The following MGA variants were observed in gnomAD, a reference collection of about 807,000 sequenced individuals.
The protein encoded by MGA is MAX gene-associated protein.
In MGA, 40 loss-of-function variants were observed where a neutral mutation model predicts 261.1. The observed-to-expected ratio is 0.15, with a 90% CI of 0.12 to 0.20. MGA has a LOEUF of 0.20. Ranked by LOEUF, MGA falls within the 10% of genes least tolerant of loss-of-function variation. The probability of loss-of-function intolerance (pLI) is 1.00; values close to 1 mark genes in which losing one functional copy is unlikely to be tolerated. For missense variants in MGA, 3,397 were observed against 3,630.5 expected, an observed-to-expected ratio of 0.94 and a Z score of 1.65; for synonymous variants, 1,302 against 1,290.6, an observed-to-expected ratio of 1.01 and a Z score of -0.19.
At position 41,675,663 on chromosome 15, in the gene MGA, C is replaced by T. The variant is rs1595670684; in HGVS notation, c.1064+5705C>T. ...AATTGTTGGGATTACGGGAGTGAGC[C>T]ACTGTGCCCGGCTCTTTAGAGGCTT... is the stretch of plus-strand genomic sequence containing the variant. On this transcript the variant is annotated intron_variant, in intron 2 of 23. Transcript: ENST00000219905. Among the ~76,000 whole-genome samples, 3 of 152,298 alleles carry T rather than the reference C, an allele frequency of 2.0e-5. No individual in the cohort carries two copies. The South Asian group carries it at 6.2e-4, about 32-fold the overall frequency.
intron 1 of MGA, among the ~76,000 whole-genome samples, chr15:41,633,091 A>C (rs925822702): frequency 6.6e-6 from 1 of 151,498 alleles, no homozygotes; most frequent in Admixed American, 6.6e-5. Context: ...AGCTGAGACT[A>C]CAGGCGCGTG....
In MGA at chr15:41,769,371, A is replaced by C. The variant is rs935294994; in HGVS notation, c.*2091A>C. The C allele has an allele frequency of 1.4e-5, 2 of 146,234 alleles. No homozygotes were observed. Among genetic ancestry groups the C allele is most frequent in the Non-Finnish European group, 3.0e-5 (2 of 67,070 alleles). The allele number at this position is 146,234 out of a possible 1,614,324, so 9.1% of individuals were successfully genotyped here. On this transcript the variant is annotated 3_prime_UTR_variant, in exon 24 of 24. Transcript: ENST00000219905. ...GATTCTTGATTGGAGATACCATTTG[A>C]CTCTTGATGAGAGTTGTACGAAGAT...
chr15:41,702,937 A>ATT (rs60668348), intron 5 of MGA, among the ~76,000 whole-genome samples: 1 of 151,814 alleles, frequency 6.6e-6, no homozygotes, highest in Non-Finnish European at 1.5e-5. Context: ...GAGAATACCT[A>ATT]TTTTTTTTCC....
intron 1 of MGA, among the ~76,000 whole-genome samples, chr15:41,624,304 G>A (rs185808200): frequency 6.6e-6 from 1 of 151,952 alleles, no homozygotes; most frequent in Non-Finnish European, 1.5e-5. Flanking sequence ...CTGGAGTACA[G>A]TGGTGCGATC....
chr15:41,767,613 C>T lies in MGA; in HGVS notation c.*333C>T. 3.5e-6 allele frequency: 1 copy of T among 283,376 alleles called. No individual in the cohort carries two copies. The highest frequency in any genetic ancestry group is 6.7e-6 in the Non-Finnish European group (1 of 150,098). 17.6% of individuals were successfully genotyped at this position (283,376 alleles called of 1,614,324 possible). On this transcript the variant is annotated 3_prime_UTR_variant, in exon 24 of 24. Coordinates refer to ENST00000219905, the MANE Select transcript of MGA (RefSeq NM_001164273.2). ...TCCACAGTGGTTTCTAGTTCTTCCC[C>T]CACAAGCGAAAGAGCTGTTTGCAAC...
rs28510088 is a variant in MGA, at chr15:41,765,070, G to A, written c.7921+8G>A. ...GTGCTGTGGCTCTACCAGGTATGTT[G>A]TAAGTGTTGTCCTCTATGGGAAGTG... On this transcript the variant is annotated splice_region_variant and intron_variant, in intron 23 of 23. Transcript: ENST00000219905. 3,782 of 1,613,662 alleles carry A rather than the reference G, an allele frequency of 2.3e-3. 74 individuals carry two copies. In the African/African-American group the frequency reaches 0.045, roughly 19 times the overall value.
rs190290241 is a variant in MGA, at chr15:41,704,900, T to C, written c.2189-2828T>C. On this transcript the variant is annotated intron_variant, in intron 5 of 23. Transcript: ENST00000219905. Reference sequence around the variant, plus strand: ...TTTTCAGCTTTATCTTTATGAGTCTTTTTTTGTAATGACATTATAACACAT... The same window carrying C: ...TTTTCAGCTTTATCTTTATGAGTCTCTTTTTGTAATGACATTATAACACAT... Among the ~76,000 whole-genome samples, 278 of 152,214 alleles carry C rather than the reference T, an allele frequency of 1.8e-3. 2 individuals are homozygous for C. The highest frequency in any genetic ancestry group is 1.3e-3 in the Non-Finnish European group (87 of 68,000).
rs1335920714 is a variant in MGA, at chr15:41,749,208, A to G, written c.5601A>G (p.Val1867=). ...CTGCTTTCTCTGTCATGAATCCTGT[A>G]ATTCAAGCTGTTGGGTCTTCTTCAG... The change falls in exon 17 of 24, where the codon GTA becomes GTG. Residue 1867 remains valine (V), a synonymous_variant. Coordinates refer to ENST00000219905, the MANE Select transcript of MGA (RefSeq NM_001164273.2). The G allele has an allele frequency of 6.2e-7, 1 of 1,613,990 alleles. No homozygotes were observed. The highest frequency in any genetic ancestry group is 8.5e-7 in the Non-Finnish European group (1 of 1,179,886).
rs1595825007 is a variant in MGA, at chr15:41,711,426, G to C, written c.3084+77G>C. 13 of 1,401,888 alleles carry C rather than the reference G, an allele frequency of 9.3e-6. No individual in the cohort carries two copies. In the East Asian group the frequency reaches 2.8e-4, roughly 30 times the overall value. 86.8% of individuals were successfully genotyped at this position (1,401,888 alleles called of 1,614,324 possible). On this transcript the variant is annotated intron_variant, in intron 8 of 23. Transcript: ENST00000219905. ...GAGGTTAGTGAGGGGAAATGGGAAT[G>C]GTACTTTTTGGCAGGGTGATCAGCT...
chr15:41,760,127 G>C (rs2063369306), intron 19 of MGA, 196 bp from the exon 20 acceptor site: 3 of 575,202 alleles, frequency 5.2e-6, no homozygotes, highest in East Asian at 3.0e-5. Context: ...GCATGTATTA[G>C]AAATTACACT....
intron 5 of MGA, among the ~76,000 whole-genome samples, chr15:41,706,101 G>C (rs1236864551): frequency 6.6e-6 from 1 of 152,034 alleles, no homozygotes; most frequent in Non-Finnish European, 1.5e-5. Context: ...GCCGGGCCTG[G>C]TGGCACACGC....
Position 41,736,283 on chromosome 15 carries a change from C to T in MGA, c.4019C>T (p.Ser1340Leu). The T allele has an allele frequency of 6.2e-7, 1 of 1,614,022 alleles. No individual in the cohort carries two copies. The highest frequency in any genetic ancestry group is 8.5e-7 in the Non-Finnish European group (1 of 1,179,910). ...CCCACCAAACTGATTGAGATCATCT[C>T]AGACTGCAACTGGGAGGAAGATCGG... The change falls in exon 13 of 24, where the codon TCA becomes TTA. Residue 1340 changes from serine (S) to leucine (L), a missense_variant. This residue lies in a region of MGA where 1,410 missense variants were observed against 1,386.4 expected (regional missense o/e 1.02). Coordinates refer to ENST00000219905, the MANE Select transcript of MGA (RefSeq NM_001164273.2).
chr15:41,710,589 C>G (rs2060342409), intron 7 of MGA, 102 bp from the exon 8 acceptor site: 1 of 1,166,674 alleles, frequency 8.6e-7, no homozygotes, highest in East Asian at 2.5e-5. Context: ...AGAAGATTCA[C>G]TATCTTGTAG....
chr15:41,703,003 G>C (rs1338022794), intron 5 of MGA, among the ~76,000 whole-genome samples: 1 of 152,060 alleles, frequency 6.6e-6, no homozygotes, highest in Non-Finnish European at 1.5e-5. Flanking sequence ...TCTAACATAA[G>C]ATTGGTACAT....
chr15:41,657,307 G>A (rs531525270), upstream of MGA, among the ~76,000 whole-genome samples: 7 of 148,214 alleles, frequency 4.7e-5, no homozygotes, highest in Admixed American at 4.7e-4. Context: ...CTCTGCCTAG[G>A]ACCTGAATTT....
At chr15:41,692,757 G>A (rs1595742889) in intron 2 of MGA, among the ~76,000 whole-genome samples, 1 of 152,254 alleles carries the variant, frequency 6.6e-6, no homozygotes, top group Middle Eastern at 3.4e-3. Context: ...TGTCACCCAG[G>A]CTGGAGTGCA....
chr15:41,694,084 A>AT (rs2059426333), intron 2 of MGA, among the ~76,000 whole-genome samples: 2 of 152,072 alleles, frequency 1.3e-5, no homozygotes, highest in Non-Finnish European at 2.9e-5. Context: ...GCTCTGAGCT[A>AT]TTTCACACTA....
rs116439074 is a variant in MGA at position 41,766,702 on chromosome 15, A to C, written c.8620A>C (p.Thr2874Pro). 1,617 of 1,613,976 alleles carry C rather than the reference A, an allele frequency of 1.0e-3. 19 individuals carry two copies. The African/African-American group carries it at 0.02, about 20-fold the overall frequency. ...TAAGGTTCCTCCTGGAAGCAGAGCA[A>C]CTTTCCAGGTTGAGCACTTGGGAAC... is the stretch of plus-strand genomic sequence containing the variant. The change falls in exon 24 of 24, where the codon ACT becomes CCT. Residue 2874 changes from threonine to proline, a missense_variant. Physicochemically the swap from Thr to Pro is conservative, Grantham distance 38. Around this residue, in one of 9 missense-constraint regions of MGA, gnomAD observed 647 missense variants for 642.4 expected, o/e 1.01. Transcript: ENST00000219905.
intron 18 of MGA, among the ~76,000 whole-genome samples, 155 bp from the exon 19 acceptor site, chr15:41,757,633 A>G (rs943866775): frequency 7.2e-5 from 11 of 152,206 alleles, no homozygotes; most frequent in African/African-American, 1.2e-4. Flanking sequence ...ACACTTTTAG[A>G]GAAAATATAT....
Sources: allele counts gnomAD v4.1 joint callset (sites outside exome capture counted in the v4.1 genomes callset), GRCh38; gene constraint gnomAD v4.1.1; regional missense constraint gnomAD v4.1.1; transcripts MANE v1.5; gene names NCBI Gene and HGNC (gene_info 2026-07-23, HGNC 2026-07-21).